The following NTM variants were observed in gnomAD, a reference collection of about 807,000 sequenced individuals.
NTM encodes the protein IgLON family member 2.
Under a neutral mutation model 42.1 loss-of-function variants are expected in NTM, and 13 were observed. That is an observed-to-expected ratio of 0.31 (90% confidence interval 0.20 to 0.49). The LOEUF (loss-of-function observed/expected upper bound fraction) is 0.49, where lower values mean the gene tolerates loss of function less well. Ranked by LOEUF, NTM falls within the 20% of genes least tolerant of loss-of-function variation. NTM has a pLI of 0.99. For missense variants in NTM, 373 were observed against 452.8 expected (o/e 0.82, Z 1.60); for synonymous variants, 187 against 179.2 (o/e 1.04, Z -0.35).
At chr11:132,167,858 C>G (rs1007678070) in intron 3 of NTM, among the ~76,000 whole-genome samples, 2 of 152,140 alleles carry the variant, frequency 1.3e-5, no homozygotes, top group African/African-American at 4.8e-5. Flanking sequence ...AAACTATGAC[C>G]CAGATATCCA....
chr11:131,537,127 T>C (rs1156667216), intron 1 of NTM: 1 of 148,706 alleles, frequency 6.7e-6, no homozygotes, highest in Non-Finnish European at 1.5e-5. Flanking sequence ...GAGTGACTCA[T>C]AGTAGGCATT....
chr11:131,652,747 C>G (rs910714257), intron 1 of NTM, among the ~76,000 whole-genome samples: 1 of 152,190 alleles, frequency 6.6e-6, no homozygotes, highest in African/African-American at 2.4e-5. Flanking sequence ...TCAATGAAAA[C>G]AAGCAAACCA....
intron 3 of NTM, among the ~76,000 whole-genome samples, chr11:132,202,268 C>A (rs563443083): frequency 7.9e-5 from 12 of 152,230 alleles, no homozygotes; most frequent in African/African-American, 2.4e-4. Flanking sequence ...TTAGGAGTTA[C>A]GGTGAGGATT....
intron 1 of NTM, among the ~76,000 whole-genome samples, chr11:131,461,648 TAATG>T (rs1351239608): frequency 6.6e-6 from 1 of 152,170 alleles, no homozygotes; most frequent in Non-Finnish European, 1.5e-5. Context: ...TGGTTAATAA[TAATG>T]CATTGTATAT....
intron 1 of NTM, among the ~76,000 whole-genome samples, chr11:131,822,987 C>T (rs924370641): frequency 6.6e-6 from 1 of 152,204 alleles, no homozygotes; most frequent in Non-Finnish European, 1.5e-5. Context: ...TCCCTTCCTC[C>T]TTCCCTTCCT....
At chr11:131,765,155 TCTC>T (rs752194195) in intron 1 of NTM, among the ~76,000 whole-genome samples, 61 of 152,196 alleles carry the variant, frequency 4.0e-4, no homozygotes, top group Middle Eastern at 3.4e-3. Flanking sequence ...ACTCCCTGCT[TCTC>T]CTGGTGCCCA....
At chr11:131,937,142 A>C (rs1263794040) in intron 2 of NTM, among the ~76,000 whole-genome samples, 1 of 152,178 alleles carries the variant, frequency 6.6e-6, no homozygotes, top group Admixed American at 6.5e-5. Flanking sequence ...CTACTCTTTT[A>C]TTTCTGCAGA....
At chr11:131,415,541 T>C (rs1028422689) in intron 1 of NTM, among the ~76,000 whole-genome samples, 5 of 152,142 alleles carry the variant, frequency 3.3e-5, no homozygotes, top group African/African-American at 1.2e-4. Context: ...GCACATCTAG[T>C]AAAGAGTAGA....
chr11:131,596,070 C>G (rs1257427659), intron 1 of NTM, among the ~76,000 whole-genome samples: 1 of 152,190 alleles, frequency 6.6e-6, no homozygotes, highest in Non-Finnish European at 1.5e-5. Context: ...CAGTGTTTTT[C>G]TTGTTTGTAA....
At chr11:132,268,890 A>T (rs2093349700) in intron 4 of NTM, among the ~76,000 whole-genome samples, 1 of 152,062 alleles carries the variant, frequency 6.6e-6, no homozygotes, top group Non-Finnish European at 1.5e-5. Flanking sequence ...AAGGTCAGAG[A>T]ATGCCAGCTT....
intron 1 of NTM, among the ~76,000 whole-genome samples, chr11:131,760,120 A>G (rs1296967487): frequency 2.0e-5 from 3 of 152,212 alleles, no homozygotes; most frequent in African/African-American, 4.8e-5. Flanking sequence ...AATTAGGCTA[A>G]TTAGAAAACC....
chr11:131,699,027 A>G (rs1271449551), intron 1 of NTM, among the ~76,000 whole-genome samples: 3 of 152,346 alleles, frequency 2.0e-5, no homozygotes, highest in Non-Finnish European at 4.4e-5. Context: ...TATGGTGGCG[A>G]CTATGCAGGA....
chr11:132,209,802 T>C (rs1468024411), intron 3 of NTM, among the ~76,000 whole-genome samples: 1 of 152,048 alleles, frequency 6.6e-6, no homozygotes, highest in Non-Finnish European at 1.5e-5. Context: ...AGCACTGAAG[T>C]CAGCAACAAG....
At chr11:132,318,168 T>C (rs1178689637) in intron 7 of NTM, among the ~76,000 whole-genome samples, 12 of 152,170 alleles carry the variant, frequency 7.9e-5, no homozygotes, top group African/African-American at 2.4e-4. Context: ...GCATGAGTGG[T>C]TGCCAATACA....
intron 1 of NTM, among the ~76,000 whole-genome samples, chr11:131,647,932 G>A (rs975531459): frequency 6.6e-6 from 1 of 152,118 alleles, no homozygotes; most frequent in Non-Finnish European, 1.5e-5. Flanking sequence ...GGGGTTTGTT[G>A]GACAGATTAT....
intron 1 of NTM, among the ~76,000 whole-genome samples, chr11:131,475,038 T>C (rs1461929148): frequency 1.3e-5 from 2 of 152,192 alleles, no homozygotes; most frequent in East Asian, 3.9e-4. Context: ...CAAGGCCAAA[T>C]GTTTTCTAGC....
At chr11:132,222,749 C>T (rs1035853126) in intron 4 of NTM, among the ~76,000 whole-genome samples, 4 of 152,188 alleles carry the variant, frequency 2.6e-5, no homozygotes, top group Non-Finnish European at 5.9e-5. Flanking sequence ...TCTCTGCTTA[C>T]TGCCCTCACC....
chr11:131,768,329 G>T (rs1245003076), intron 1 of NTM, among the ~76,000 whole-genome samples: 1 of 152,098 alleles, frequency 6.6e-6, no homozygotes, highest in African/African-American at 2.4e-5. Flanking sequence ...TGTTGGTCAA[G>T]CTGGTCTCGA....
intron 1 of NTM, among the ~76,000 whole-genome samples, chr11:131,516,460 C>A (rs1224113442): frequency 6.6e-6 from 1 of 152,178 alleles, no homozygotes; most frequent in Non-Finnish European, 1.5e-5. Context: ...CTCACGCAAT[C>A]TCCGCCTCCC....
Sources: gnomAD v4.1 joint callset for allele counts (sites outside exome capture counted in the v4.1 genomes callset) on GRCh38, gnomAD v4.1.1 for gene constraint, MANE v1.5 for transcripts, NCBI Gene and HGNC (gene_info 2026-07-23, HGNC 2026-07-21) for gene names.